PITPNA: variants seen among roughly 807,000 people sequenced by gnomAD.
PITPNA encodes the protein phosphatidylinositol transfer protein alpha isoform.
A neutral mutation model predicts 50.3 loss-of-function variants in PITPNA; 13 were observed. The observed-to-expected ratio is 0.26, with a 90% CI of 0.17 to 0.41. PITPNA has a LOEUF of 0.41. Ranked by LOEUF, PITPNA falls within the 10% of genes least tolerant of loss-of-function variation. PITPNA has a pLI of 1.00. For synonymous variants in PITPNA, 120 were observed against 119.6 expected, an observed-to-expected ratio of 1.00 and a Z score of -0.02; for missense variants, 207 against 333.4, an observed-to-expected ratio of 0.62 and a Z score of 2.95.
At chr17:1,526,582 C>T (rs1400193969) in intron 10 of PITPNA, among the ~76,000 whole-genome samples, 6 of 152,240 alleles carry the variant, frequency 3.9e-5, no homozygotes, top group African/African-American at 1.4e-4. Flanking sequence ...AAAGCTCCTT[C>T]TCAGCCGGCT....
At chr17:1,529,791 G>T (rs999675464) in intron 10 of PITPNA, among the ~76,000 whole-genome samples, 3 of 151,556 alleles carry the variant, frequency 2.0e-5, no homozygotes, top group Admixed American at 2.0e-4. Context: ...GGAGTTGGAG[G>T]TTGCAATGAG....
In PITPNA at chr17:1,519,841, G is replaced by C. The variant is rs1048048253; in HGVS notation, c.*720C>G. The C allele has an allele frequency of 6.6e-6, 1 of 152,234 alleles. No individual in the cohort carries two copies. The highest frequency in any genetic ancestry group is 1.5e-5 in the Non-Finnish European group (1 of 68,094). The allele number at this position is 152,234 out of a possible 1,614,324, so 9.4% of individuals were successfully genotyped here. ...TGTAGACTGCAGAGAGATTCAGAGC[G>C]GGCAACAGGAGGGCCAAGAAGCCAC... is the stretch of plus-strand genomic sequence containing the variant. On this transcript the variant is annotated 3_prime_UTR_variant, in exon 12 of 12. Transcript: ENST00000313486.
intron 2 of PITPNA, among the ~76,000 whole-genome samples, chr17:1,554,929 C>A (rs912510670): frequency 2.6e-5 from 4 of 152,202 alleles, no homozygotes; most frequent in African/African-American, 7.2e-5. Context: ...CAATGCCCCC[C>A]TGGAGCCCCA....
At chr17:1,521,545 C>T (rs908878225) in intron 11 of PITPNA, 34 bp downstream of exon 11, 5 of 1,477,488 alleles carry the variant, frequency 3.4e-6, no homozygotes, top group African/African-American at 1.4e-5. Context: ...ATTTTAGCGT[C>T]TGTGACACGC....
intron 9 of PITPNA, among the ~76,000 whole-genome samples, 159 bp downstream of exon 9, chr17:1,535,023 T>C (rs2075606958): frequency 6.6e-6 from 1 of 151,210 alleles, no homozygotes; most frequent in African/African-American, 2.4e-5. Context: ...GCCGAGCTAC[T>C]TACCTTATGG....
At position 1,554,834 on chromosome 17, in the gene PITPNA, G is replaced by T. The variant is rs971064618; in HGVS notation, c.52-1685C>A. ...GCCATGAAAAGGGGCAGCAATCGAG[G>T]CTCAGTGAAATCCATACAGAGGAAC... On this transcript the variant is annotated intron_variant, in intron 2 of 11. Coordinates refer to ENST00000313486, the MANE Select transcript of PITPNA (RefSeq NM_006224.4). Among the ~76,000 whole-genome samples, 9 of 152,176 alleles carry T rather than the reference G, an allele frequency of 5.9e-5. No homozygotes were observed. The East Asian group carries it at 1.7e-3, about 29-fold the overall frequency.
chr17:1,538,847 C>T, intron 7 of PITPNA, 22 bp downstream of exon 7: 2 of 1,525,930 alleles, frequency 1.3e-6, no homozygotes, highest in African/African-American at 1.4e-5. Flanking sequence ...GAAGGCCACC[C>T]ACGTCTTTAA....
In PITPNA at chr17:1,552,988, T is replaced by G; in HGVS notation, c.197+16A>C. 6.2e-7 allele frequency: 1 copy of G among 1,613,192 alleles called. No individual in the cohort carries two copies. The highest frequency in any genetic ancestry group is 8.5e-7 in the Non-Finnish European group (1 of 1,179,250). On this transcript the variant is annotated intron_variant, in intron 3 of 11. Coordinates refer to ENST00000313486, the MANE Select transcript of PITPNA (RefSeq NM_006224.4). ...CACAAAAGCCAGCATCCGGCCCCGCTGCTCATGCCGCATACCTCTGCAGGT... is the reference window on the plus strand; with the variant it reads ...CACAAAAGCCAGCATCCGGCCCCGCGGCTCATGCCGCATACCTCTGCAGGT...
chr17:1,547,114 C>G (rs1467148869), intron 4 of PITPNA, among the ~76,000 whole-genome samples: 2 of 149,626 alleles, frequency 1.3e-5, no homozygotes, highest in Non-Finnish European at 3.0e-5. Context: ...AATGCCAGCA[C>G]TTTGGGAGGC....
intron 10 of PITPNA, among the ~76,000 whole-genome samples, chr17:1,525,140 C>T (rs1391975928): frequency 6.6e-6 from 1 of 151,856 alleles, no homozygotes; most frequent in Non-Finnish European, 1.5e-5. Context: ...CAAGTGCACA[C>T]CACCACGCCT....
chr17:1,535,990 G>A (rs2075613543), intron 7 of PITPNA: 1 of 173,208 alleles, frequency 5.8e-6, no homozygotes, highest in Non-Finnish European at 1.2e-5. Flanking sequence ...ATACCCGGCT[G>A]TCATTCCTTA....
In PITPNA at chr17:1,517,776, A is replaced by C. The variant is rs1448646512; in HGVS notation, c.*2785T>G. 6.6e-6 allele frequency: 1 copy of C among 152,262 alleles called. No individual in the cohort carries two copies. The highest frequency in any genetic ancestry group is 2.4e-5 in the African/African-American group (1 of 41,456). 9.4% of individuals were successfully genotyped at this position (152,262 alleles called of 1,614,324 possible). A position where few individuals can be genotyped will look rare whatever the true frequency, so the allele number is the denominator to read the frequency against. ...GACAAAAGCAAAAGGACATCCTGTCAGTAGGAAACGGCCGAATTACAATTC... is the reference window on the plus strand; with the variant it reads ...GACAAAAGCAAAAGGACATCCTGTCCGTAGGAAACGGCCGAATTACAATTC... On this transcript the variant is annotated 3_prime_UTR_variant, in exon 12 of 12. Coordinates refer to ENST00000313486, the MANE Select transcript of PITPNA (RefSeq NM_006224.4).
intron 7 of PITPNA, among the ~76,000 whole-genome samples, chr17:1,538,259 G>T (rs1476379765): frequency 6.6e-6 from 1 of 152,184 alleles, no homozygotes; most frequent in Non-Finnish European, 1.5e-5. Context: ...TGAATGAGGA[G>T]GAATCTAACC....
intron 1 of PITPNA, among the ~76,000 whole-genome samples, chr17:1,560,196 G>A (rs973936942): frequency 1.5e-4 from 23 of 152,156 alleles, no homozygotes; most frequent in Non-Finnish European, 3.4e-4. Context: ...CTGACGTGAC[G>A]GCTGCACACT....
At chr17:1,543,169 C>T (rs1320385141) in intron 4 of PITPNA, 142 bp from the exon 5 acceptor site, 2 of 607,538 alleles carry the variant, frequency 3.3e-6, no homozygotes, top group African/African-American at 3.8e-5. Context: ...CACCTCCAAG[C>T]CCCAGTGAGT....
At chr17:1,535,092 C>T (rs556455108) in intron 9 of PITPNA, 90 bp downstream of exon 9, 7 of 791,190 alleles carry the variant, frequency 8.8e-6, no homozygotes, top group South Asian at 4.7e-5. Flanking sequence ...AGGCCTCAGC[C>T]GAGCTACTCA....
chr17:1,522,197 G>A (rs567211482), intron 10 of PITPNA, among the ~76,000 whole-genome samples: 10 of 149,760 alleles, frequency 6.7e-5, no homozygotes, highest in African/African-American at 1.7e-4. Context: ...TCAGCCTCCC[G>A]AGTAGCTGGG....
chr17:1,523,758 C>T (rs1246887431), intron 10 of PITPNA, among the ~76,000 whole-genome samples: 2 of 152,156 alleles, frequency 1.3e-5, no homozygotes, highest in Non-Finnish European at 2.9e-5. Context: ...ATCTGCCTGC[C>T]TCAGCCTCCC....
At chr17:1,540,759 G>C (rs184527319) in intron 6 of PITPNA, among the ~76,000 whole-genome samples, 441 of 152,164 alleles carry the variant, frequency 2.9e-3, no homozygotes, top group African/African-American at 0.01. Context: ...TGGCTGTTTT[G>C]TATTTTTAGT....
Sources: gnomAD v4.1 joint callset for allele counts (sites outside exome capture counted in the v4.1 genomes callset) on GRCh38, gnomAD v4.1.1 for gene constraint, MANE v1.5 for transcripts, NCBI Gene and HGNC (gene_info 2026-07-23, HGNC 2026-07-21) for gene names.